Variants in CIMIP4 observed in about 807,000 individuals in gnomAD.
CIMIP4 encodes the protein ciliary microtubule inner protein 4.
the CIMIP4 span, chr22:36,991,133 T>A: frequency 6.4e-7 from 1 of 1,574,032 alleles, no homozygotes; most frequent in Non-Finnish European, 8.7e-7. Flanking sequence ...CCTTTCCTTA[T>A]TGTTAGCACT....
the CIMIP4 span, chr22:37,002,068 C>G: frequency 4.7e-5 from 75 of 1,606,298 alleles, 1 homozygote; most frequent in South Asian, 8.1e-4. Context: ...ACTGTGGGTC[C>G]ATGCCCAGAG....
At chr22:37,007,718 C>T in the CIMIP4 span, 1 of 152,296 alleles carries the variant, frequency 6.6e-6, no homozygotes, top group Non-Finnish European at 1.5e-5. Context: ...CTTCATAAGT[C>T]TCTGCCTCAC....
chr22:37,006,115 A>C, the CIMIP4 span, among the ~76,000 whole-genome samples: 1 of 152,212 alleles, frequency 6.6e-6, no homozygotes, highest in Admixed American at 6.5e-5. Context: ...TCAGTTAAAA[A>C]GGGGTGTGAC....
the CIMIP4 span, chr22:36,991,320 G>A: frequency 1.2e-6 from 2 of 1,605,704 alleles, no homozygotes; most frequent in Admixed American, 1.7e-5. Flanking sequence ...AGATCATCTG[G>A]CAGTCTCTGG....
At chr22:37,004,549 G>A in the CIMIP4 span, among the ~76,000 whole-genome samples, 739 of 152,284 alleles carry the variant, frequency 4.9e-3, 5 homozygotes, top group African/African-American at 0.017. Flanking sequence ...TAGCCACCAC[G>A]AAGGAGAACC....
chr22:37,002,548 A>G, the CIMIP4 span, among the ~76,000 whole-genome samples: 8 of 152,316 alleles, frequency 5.3e-5, no homozygotes, highest in Middle Eastern at 3.4e-3. Flanking sequence ...TCCCACGGGC[A>G]GGGTTAGTCC....
the CIMIP4 span, chr22:36,991,716 G>C: frequency 2.5e-6 from 2 of 791,848 alleles, no homozygotes; most frequent in Non-Finnish European, 4.2e-6. Context: ...GAGTGGGAAG[G>C]GTTTCAAAGT....
At chr22:36,991,269 C>T in the CIMIP4 span, 195 of 1,614,044 alleles carry the variant, frequency 1.2e-4, no homozygotes, top group Admixed American at 2.3e-4. Flanking sequence ...TTTTCTGGTG[C>T]CACCGCCCTA....
chr22:37,005,331 A>T, the CIMIP4 span, among the ~76,000 whole-genome samples: 1 of 152,188 alleles, frequency 6.6e-6, no homozygotes, highest in Non-Finnish European at 1.5e-5. Context: ...AAGTTCTGAG[A>T]TCATAAATTT....
chr22:36,996,744 G>GT, the CIMIP4 span, among the ~76,000 whole-genome samples: 1 of 152,308 alleles, frequency 6.6e-6, no homozygotes, highest in East Asian at 1.9e-4. Flanking sequence ...GGTGATGGTG[G>GT]TGGAGGGGTG....
the CIMIP4 span, chr22:37,001,694 G>T: frequency 1.2e-6 from 1 of 833,974 alleles, no homozygotes; most frequent in Non-Finnish European, 1.8e-6. Flanking sequence ...TTTAAACAGT[G>T]CACAGTGTTT....
chr22:36,992,424 G>C, the CIMIP4 span, among the ~76,000 whole-genome samples: 1 of 152,096 alleles, frequency 6.6e-6, no homozygotes, highest in Non-Finnish European at 1.5e-5. Context: ...TAAGCAAAGA[G>C]TAAGAAACCA....
the CIMIP4 span, chr22:37,002,051 G>A: frequency 2.5e-6 from 4 of 1,609,688 alleles, no homozygotes; most frequent in Non-Finnish European, 3.4e-6. Flanking sequence ...ATTCTTCAGG[G>A]ACCTGGACTG....
the CIMIP4 span, among the ~76,000 whole-genome samples, chr22:37,001,045 T>G: frequency 6.6e-6 from 1 of 152,062 alleles, no homozygotes; most frequent in African/African-American, 2.4e-5. Flanking sequence ...CACAATGCAG[T>G]TGCTATGAGG....
At chr22:37,005,593 T>C in the CIMIP4 span, among the ~76,000 whole-genome samples, 2,072 of 151,034 alleles carry the variant, frequency 0.014, 52 homozygotes, top group South Asian at 0.073. Context: ...AGTTGGAAGA[T>C]GCAGTGAGTG....
At chr22:36,999,860 A>G in the CIMIP4 span, 2 of 1,613,670 alleles carry the variant, frequency 1.2e-6, no homozygotes, top group Non-Finnish European at 1.7e-6. Context: ...GTTTGACCGC[A>G]TGTTGTAGCC....
the CIMIP4 span, among the ~76,000 whole-genome samples, chr22:37,004,323 C>A: frequency 6.6e-6 from 1 of 152,062 alleles, no homozygotes; most frequent in Non-Finnish European, 1.5e-5. Context: ...TCTCAAGCAG[C>A]CTTGGAACCC....
At chr22:36,994,603 G>C in the CIMIP4 span, among the ~76,000 whole-genome samples, 5 of 146,626 alleles carry the variant, frequency 3.4e-5, no homozygotes, top group African/African-American at 1.3e-4. Context: ...TCTTGACCTT[G>C]TGATCTGCCT....
At chr22:37,003,211 T>C in the CIMIP4 span, among the ~76,000 whole-genome samples, 1 of 152,194 alleles carries the variant, frequency 6.6e-6, no homozygotes, top group Non-Finnish European at 1.5e-5. Context: ...TTCCCTAGGC[T>C]CTCATTAAAA....
Sources: allele counts gnomAD v4.1 joint callset (sites outside exome capture counted in the v4.1 genomes callset), GRCh38; gene constraint gnomAD v4.1.1; transcripts MANE v1.5; gene names NCBI Gene and HGNC (gene_info 2026-07-23, HGNC 2026-07-21).